Variants in PEG3 observed in about 807,000 individuals in gnomAD.
PEG3 encodes paternally-expressed gene 3 protein.
A neutral mutation model predicts 35.5 loss-of-function variants in PEG3; 23 were observed. The observed-to-expected ratio is 0.65, with a 90% CI of 0.47 to 0.92. The LOEUF (loss-of-function observed/expected upper bound fraction) is 0.92. Ranked by LOEUF, PEG3 falls within the 40% of genes least tolerant of loss-of-function variation. The pLI is 0.00. For synonymous variants in PEG3, 707 were observed against 697.0 expected, an observed-to-expected ratio of 1.01 and a Z score of -0.23; for missense variants, 1,960 against 1,985.3, an observed-to-expected ratio of 0.99 and a Z score of 0.24.
At chr19:56,833,614 C>A in intron 2 of PEG3, 1 of 176,758 alleles carries the variant, frequency 5.7e-6, no homozygotes. Flanking sequence ...AGAAGAGTTG[C>A]CTAGGGTGCT....
At chr19:56,821,784 C>T (rs2060512863) in intron 6 of PEG3, 30 bp from the exon 7 acceptor site, 3 of 1,611,758 alleles carry the variant, frequency 1.9e-6, no homozygotes, top group Non-Finnish European at 2.5e-6. Flanking sequence ...CAACAAGAAG[C>T]AGGGCCCAGT....
At chr19:56,832,274 T>C (rs1345430316) in intron 2 of PEG3, among the ~76,000 whole-genome samples, 1 of 152,222 alleles carries the variant, frequency 6.6e-6, no homozygotes, top group Non-Finnish European at 1.5e-5. Flanking sequence ...CTGCCCTTTC[T>C]CTGCTGGGTT....
At chr19:56,822,880 A>G in intron 5 of PEG3, 44 bp from the exon 6 acceptor site, 2 of 1,593,528 alleles carry the variant, frequency 1.3e-6, no homozygotes, top group East Asian at 2.3e-5. Flanking sequence ...GCTCTTTGAC[A>G]CACCTGTTTT....
rs1193070899 is a variant in PEG3 at position 56,817,462 on chromosome 19, T to G, written c.980A>C (p.Lys327Thr). 1 of 1,613,982 alleles carries G rather than the reference T, an allele frequency of 6.2e-7. No individual in the cohort carries two copies. The highest frequency in any genetic ancestry group is 1.1e-5 in the South Asian group (1 of 91,066). Residue 327 changes from lysine (K) to threonine (T), a missense_variant, in exon 10 of 10, where the codon AAA becomes ACA. Lys to Thr is a moderately conservative substitution (Grantham distance 78, BLOSUM62 -1). This residue lies in a region of PEG3 where 613 missense variants were observed against 577.1 expected (regional missense o/e 1.06). Transcript: ENST00000326441. ...GCTTGACTCCCTTGCTCTTCCCGAT[T>G]TGGAACTGCGTGACACATCCTTGAT... ...KFIKDVSRSSKSGRARESSDR... is the reference protein window; with the variant it reads ...KFIKDVSRSSTSGRARESSDR...
intron 1 of PEG3, among the ~76,000 whole-genome samples, chr19:56,840,109 C>G (rs939485728): frequency 6.6e-6 from 1 of 152,224 alleles, no homozygotes; most frequent in Admixed American, 6.5e-5. Flanking sequence ...TTCGCAGCCC[C>G]CAGACCCAGC....
rs746102341 is a variant in PEG3, at chr19:56,815,218, C to T, written c.3224G>A (p.Ser1075Asn). 1.2e-6 allele frequency: 2 copies of T among 1,613,960 alleles called. No individual in the cohort carries two copies. Among genetic ancestry groups the T allele is most frequent in the East Asian group, 2.2e-5 (1 of 44,880 alleles). Residue 1075 changes from serine (S) to asparagine (N), a missense_variant, in exon 10 of 10, where the codon AGC (serine) becomes AAC (asparagine). Around this residue, in one of 5 missense-constraint regions of PEG3, gnomAD observed 798 missense variants for 782.4 expected, o/e 1.02. Transcript: ENST00000326441. ...TGTCTCCTGACCATGGGTCTCCTCG[C>T]TGTGGGTCTCCTCCCCATCAGTATT... ...GENTDGEETH[S>N]EETHGQETIE...
intron 1 of PEG3, among the ~76,000 whole-genome samples, chr19:56,838,016 G>A (rs369628729): frequency 5.9e-5 from 9 of 152,152 alleles, no homozygotes; most frequent in Admixed American, 2.0e-4. Flanking sequence ...CCCTCCCTCA[G>A]AACCGCACCT....
At chr19:56,836,447 T>C (rs1192639081) in intron 1 of PEG3, among the ~76,000 whole-genome samples, 1 of 152,196 alleles carries the variant, frequency 6.6e-6, no homozygotes, top group Non-Finnish European at 1.5e-5. Context: ...AGGACCGCTA[T>C]CCTATCGTTA....
chr19:56,818,701 T>C lies in PEG3; in HGVS notation c.671A>G (p.Asp224Gly), dbSNP rs1242031182. Reference sequence around the variant, plus strand: ...CACCACATTTTGGTATGATTCAGCATCCTAAAACAGCAAACACAGACCTCT... The same window carrying C: ...CACCACATTTTGGTATGATTCAGCACCCTAAAACAGCAAACACAGACCTCT... ...DSRAYESRSQ[D>G]AESYQNVVDL... The change falls in exon 8 of 10, where the codon GAT becomes GGT. Residue 224 changes from aspartate (D) to glycine (G), a missense_variant and splice_region_variant. By Grantham distance (94) the Asp-to-Gly change is moderately conservative. This residue lies in a region of PEG3 where 613 missense variants were observed against 577.1 expected (regional missense o/e 1.06). Coordinates refer to ENST00000326441, the MANE Select transcript of PEG3 (RefSeq NM_006210.3). 3 of 1,614,014 alleles carry C rather than the reference T, an allele frequency of 1.9e-6. No individual in the cohort carries two copies. Among genetic ancestry groups the C allele is most frequent in the Non-Finnish European group, 2.5e-6 (3 of 1,180,034 alleles).
Position 56,838,842 on chromosome 19 carries a change from T to C in PEG3, c.-250+1740A>G, listed in dbSNP as rs563049204. On this transcript the variant is annotated intron_variant, in intron 1 of 9. Transcript: ENST00000326441. The stretch of plus-strand genomic sequence containing the variant: ...GCAAGGCAGGCAAGCACAGCAACCG[T>C]GGCCCCGCCCCTCCCTGTGGACAAC... Among the ~76,000 whole-genome samples, 10 of 152,256 alleles carry C rather than the reference T, an allele frequency of 6.6e-5. No homozygotes were observed. In the East Asian group the frequency reaches 1.7e-3, roughly 27 times the overall value.
chr19:56,810,218 T>G lies in PEG3; in HGVS notation c.*3457A>C. Reference sequence around the variant, plus strand: ...GATGTTAACCACACTCTTTGGATGGTGAAAACATGGGTGAGTTTCTCTTCT... The same window carrying G: ...GATGTTAACCACACTCTTTGGATGGGGAAAACATGGGTGAGTTTCTCTTCT... On this transcript the variant is annotated 3_prime_UTR_variant, in exon 10 of 10. Transcript: ENST00000326441. The G allele has an allele frequency of 1.0e-6, 1 of 983,084 alleles. No homozygotes were observed. Among genetic ancestry groups the G allele is most frequent in the Non-Finnish European group, 1.2e-6 (1 of 827,808 alleles). The allele number at this position is 983,084 out of a possible 1,614,324, so 60.9% of individuals were successfully genotyped here.
In PEG3 at chr19:56,811,510, T is replaced by G; in HGVS notation, c.*2165A>C. On this transcript the variant is annotated 3_prime_UTR_variant, in exon 10 of 10. Transcript: ENST00000326441. ...CAGATAGGTTTAAACAATCATTCTCTTGTTTACCATTTGTTACTACCTTTT... is the reference window on the plus strand; with the variant it reads ...CAGATAGGTTTAAACAATCATTCTCGTGTTTACCATTTGTTACTACCTTTT... The G allele has an allele frequency of 1.0e-6, 1 of 984,154 alleles. No homozygotes were observed. Among genetic ancestry groups the G allele is most frequent in the Non-Finnish European group, 1.2e-6 (1 of 829,734 alleles). 61.0% of individuals were successfully genotyped at this position (984,154 alleles called of 1,614,324 possible).
chr19:56,828,507 ACAGT>A (rs2061275896), intron 2 of PEG3, among the ~76,000 whole-genome samples: 1 of 152,192 alleles, frequency 6.6e-6, no homozygotes, highest in South Asian at 2.1e-4. Flanking sequence ...GAGAACAGGG[ACAGT>A]CAAACAAATG....
rs745602446 is a variant in PEG3 at position 56,817,081 on chromosome 19, C to A, written c.1361G>T (p.Cys454Phe). 1 of 1,614,196 alleles carries A rather than the reference C, an allele frequency of 6.2e-7. No homozygotes were observed. Among genetic ancestry groups the A allele is most frequent in the Non-Finnish European group, 8.5e-7 (1 of 1,180,018 alleles). Residue 454 changes from cysteine to phenylalanine, a missense_variant, in exon 10 of 10, where the codon TGT becomes TTT. By Grantham distance (205) the Cys-to-Phe change is radical. Coordinates refer to ENST00000326441, the MANE Select transcript of PEG3 (RefSeq NM_006210.3). Reference protein sequence around the residue: ...PIDFGAMPYVCDECGRSFSVI... With the variant: ...PIDFGAMPYVFDECGRSFSVI... ...ACTGAACGACCTCCCACACTCATCA[C>A]ATACATATGGCATTGCCCCAAAATC...
chr19:56,813,558 G>A lies in PEG3; in HGVS notation c.*117C>T. On this transcript the variant is annotated 3_prime_UTR_variant, in exon 10 of 10. Transcript: ENST00000326441. ...TGAGTTTAGAGATGTTAAGTCAGGT[G>A]TGTAACACACTAAGGTTAAGTCTCC... is the stretch of plus-strand genomic sequence containing the variant. 2 of 1,456,726 alleles carry A rather than the reference G, an allele frequency of 1.4e-6. No individual in the cohort carries two copies. The highest frequency in any genetic ancestry group is 1.5e-5 in the South Asian group (1 of 68,512). 90.2% of individuals were successfully genotyped at this position (1,456,726 alleles called of 1,614,324 possible).
chr19:56,829,284 C>A lies in PEG3; in HGVS notation c.-162-2821G>T, dbSNP rs1407420560. ...ACTTGGACCCAGGAGGCAGAGGTTG[C>A]AGTGAGCCAAAATCGCACCACTGCG... On this transcript the variant is annotated intron_variant, in intron 2 of 9. Transcript: ENST00000326441. Among the ~76,000 whole-genome samples the A allele has an allele frequency of 2.1e-5, 3 of 146,132 alleles. No homozygotes were observed. The East Asian group carries it at 6.0e-4, about 29-fold the overall frequency.
At chr19:56,834,593 C>A (rs546027660) in intron 2 of PEG3, among the ~76,000 whole-genome samples, 1 of 152,192 alleles carries the variant, frequency 6.6e-6, no homozygotes, top group Non-Finnish European at 1.5e-5. Context: ...CATGTCAGTA[C>A]GGTTTTAAGT....
At chr19:56,823,378 A>C (rs2060690681) in intron 5 of PEG3, among the ~76,000 whole-genome samples, 2 of 152,230 alleles carry the variant, frequency 1.3e-5, no homozygotes, top group Admixed American at 6.5e-5. Flanking sequence ...TTATCGTTGA[A>C]TAAAACGGTA....
intron 6 of PEG3, chr19:56,822,492 T>G: frequency 2.9e-6 from 1 of 350,062 alleles, no homozygotes; most frequent in Non-Finnish European, 4.8e-6. Flanking sequence ...TACAGAAACT[T>G]CCAGTTTTTT....
Sources: allele counts gnomAD v4.1 joint callset (sites outside exome capture counted in the v4.1 genomes callset), GRCh38; gene constraint gnomAD v4.1.1; regional missense constraint gnomAD v4.1.1; transcripts MANE v1.5; gene names NCBI Gene and HGNC (gene_info 2026-07-23, HGNC 2026-07-21).